Variants in LINGO2 observed in about 807,000 individuals in gnomAD.
LINGO2 encodes leucine rich repeat and Ig domain containing 2, also known as leucine-rich repeat and immunoglobulin-like domain-containing nogo receptor-interacting protein 2.
In LINGO2, 14 loss-of-function variants were observed where a neutral mutation model predicts 30.6. The observed-to-expected ratio is 0.46, with a 90% confidence interval of 0.30 to 0.72. LINGO2 has a LOEUF of 0.72. LINGO2 is among the 30% of genes least tolerant of loss of function. The pLI is 0.07. For missense variants in LINGO2, 729 were observed against 751.7 expected, an observed-to-expected ratio of 0.97 and a Z score of 0.35; for synonymous variants, 317 against 288.5, an observed-to-expected ratio of 1.10 and a Z score of -1.00.
chr9:28,681,524 A>T, the LINGO2 span, among the ~76,000 whole-genome samples: 3 of 152,084 alleles, frequency 2.0e-5, no homozygotes. Context: ...AATGAAACAA[A>T]CAAACACACA....
the LINGO2 span, among the ~76,000 whole-genome samples, chr9:28,919,721 G>C: frequency 7.2e-6 from 1 of 139,844 alleles, no homozygotes; most frequent in Admixed American, 7.6e-5. Flanking sequence ...GTGTATTACA[G>C]TGATATATTT....
At chr9:28,489,010 T>C (rs1215487827) in intron 1 of LINGO2, among the ~76,000 whole-genome samples, 2 of 152,238 alleles carry the variant, frequency 1.3e-5, no homozygotes, top group African/African-American at 4.8e-5. Context: ...TAGCCAATGC[T>C]ATTGAGACCG....
intron 4 of LINGO2, among the ~76,000 whole-genome samples, chr9:28,250,469 G>A (rs1269364107): frequency 6.6e-6 from 1 of 152,166 alleles, no homozygotes; most frequent in Non-Finnish European, 1.5e-5. Flanking sequence ...ATCAACAGGT[G>A]CAGACAAAGA....
At chr9:28,702,004 C>A in the LINGO2 span, among the ~76,000 whole-genome samples, 2 of 151,918 alleles carry the variant, frequency 1.3e-5, no homozygotes, top group East Asian at 3.9e-4. Flanking sequence ...CTTATGAGTT[C>A]CAGGACTTTG....
chr9:28,911,563 T>C, the LINGO2 span, among the ~76,000 whole-genome samples: 17,198 of 152,130 alleles, frequency 0.11, 971 homozygotes, highest in South Asian at 0.16. Context: ...TCATTATTTA[T>C]CATTATTTAT....
At chr9:28,817,072 C>T in the LINGO2 span, among the ~76,000 whole-genome samples, 4 of 152,032 alleles carry the variant, frequency 2.6e-5, no homozygotes, top group East Asian at 3.9e-4. Context: ...GGAAATTTTA[C>T]AAGTTTGAGA....
intron 2 of LINGO2, among the ~76,000 whole-genome samples, chr9:28,404,137 C>A (rs879918126): frequency 6.6e-6 from 1 of 152,030 alleles, no homozygotes; most frequent in Non-Finnish European, 1.5e-5. Context: ...ATTTTTGCCC[C>A]AAATATCTTT....
At chr9:29,147,230 T>C in the LINGO2 span, among the ~76,000 whole-genome samples, 1 of 152,268 alleles carries the variant, frequency 6.6e-6, no homozygotes, top group Admixed American at 6.5e-5. Flanking sequence ...GAGTATCAGC[T>C]ACACACCATC....
At chr9:28,104,035 A>G (rs778148770) in intron 4 of LINGO2, among the ~76,000 whole-genome samples, 1 of 151,918 alleles carries the variant, frequency 6.6e-6, no homozygotes, top group Non-Finnish European at 1.5e-5. Flanking sequence ...TCTATTACCT[A>G]TTATTTTAAA....
At chr9:28,865,599 G>A in the LINGO2 span, among the ~76,000 whole-genome samples, 1 of 152,124 alleles carries the variant, frequency 6.6e-6, no homozygotes, top group African/African-American at 2.4e-5. Context: ...TGGCTAACAT[G>A]GAGAAACACC....
the LINGO2 span, among the ~76,000 whole-genome samples, chr9:28,990,982 T>C: frequency 3.3e-5 from 5 of 152,182 alleles, no homozygotes; most frequent in African/African-American, 1.2e-4. Context: ...AGGAACGCAG[T>C]TCCTCACTAG....
chr9:29,101,347 T>TA, the LINGO2 span, among the ~76,000 whole-genome samples: 2 of 152,152 alleles, frequency 1.3e-5, no homozygotes, highest in East Asian at 3.9e-4. Flanking sequence ...CAGTGTAGGG[T>TA]AAATCTATGG....
chr9:27,956,526 T>G (rs1819577742), intron 5 of LINGO2, among the ~76,000 whole-genome samples: 1 of 152,194 alleles, frequency 6.6e-6, no homozygotes. Context: ...TCATATTTCT[T>G]AAAGAGCAGA....
At chr9:28,095,990 C>A (rs4878159) in intron 4 of LINGO2, among the ~76,000 whole-genome samples, 149,196 of 152,266 alleles carry the variant, frequency 0.98, 73,169 homozygotes, top group East Asian at 1. Context: ...AAGATTAAGA[C>A]ATTATCCAGG....
rs141479807 is a variant in LINGO2, at chr9:28,395,436, A to C, written c.-278-22568T>G. 5.9e-5 allele frequency among the ~76,000 whole-genome samples: 9 copies of C among 152,334 alleles called. No individual in the cohort carries two copies. The East Asian group carries it at 1.7e-3, about 29-fold the overall frequency. ...TTTAGAAGAGTATGTATTCGTTGCC[A>C]AGAAGATGGATATTGTTGCATAAAG... On this transcript the variant is annotated intron_variant, in intron 2 of 5. Transcript: ENST00000379992.
chr9:28,496,641 G>A (rs1375171980), intron 1 of LINGO2, among the ~76,000 whole-genome samples: 3 of 152,048 alleles, frequency 2.0e-5, no homozygotes, highest in African/African-American at 7.3e-5. Flanking sequence ...TTTAATTAGA[G>A]CATTTAGTCC....
intron 4 of LINGO2, among the ~76,000 whole-genome samples, chr9:28,047,130 A>G (rs1425485785): frequency 6.6e-6 from 1 of 152,068 alleles, no homozygotes; most frequent in Non-Finnish European, 1.5e-5. Context: ...GTGGTCAGTG[A>G]CTCCACTATG....
exon 6 of LINGO2, chr9:27,949,363 C>T (rs746312003): frequency 3.7e-6 from 6 of 1,614,108 alleles, no homozygotes; most frequent in Non-Finnish European, 5.1e-6. Context: ...GGCTGCGGGT[C>T]TCCATCTGCA....
At chr9:28,737,189 A>T in the LINGO2 span, among the ~76,000 whole-genome samples, 1 of 152,158 alleles carries the variant, frequency 6.6e-6, no homozygotes, top group African/African-American at 2.4e-5. Context: ...AGACAGAGTG[A>T]AATACTGCAA....
Sources: gnomAD v4.1 joint callset for allele counts (sites outside exome capture counted in the v4.1 genomes callset) on GRCh38, gnomAD v4.1.1 for gene constraint, MANE v1.5 for transcripts, NCBI Gene and HGNC (gene_info 2026-07-23, HGNC 2026-07-21) for gene names.